CDH18: variants seen among roughly 807,000 people sequenced by gnomAD.
CDH18 encodes cadherin 18, also known as cadherin-18.
A neutral mutation model predicts 67.9 loss-of-function variants in CDH18; 31 were observed. That is an observed-to-expected ratio of 0.46 (90% CI 0.34 to 0.62). The LOEUF (loss-of-function observed/expected upper bound fraction) is 0.62, where lower values mean the gene tolerates loss of function less well. Ranked by LOEUF, CDH18 falls within the 20% of genes least tolerant of loss-of-function variation. The pLI, the probability that CDH18 is intolerant of heterozygous loss-of-function variation, is 0.01. For missense variants in CDH18, 890 were observed against 975.5 expected (o/e 0.91, Z 1.17); for synonymous variants, 362 against 347.2 (o/e 1.04, Z -0.48).
intron 1 of CDH18, among the ~76,000 whole-genome samples, chr5:20,418,756 A>G (rs1480704704): frequency 6.6e-6 from 1 of 152,102 alleles, no homozygotes; most frequent in Non-Finnish European, 1.5e-5. Flanking sequence ...ATGAATATAG[A>G]TGTGTGTATA....
At chr5:19,994,939 A>T (rs1372849671) in intron 2 of CDH18, among the ~76,000 whole-genome samples, 2 of 149,294 alleles carry the variant, frequency 1.3e-5, no homozygotes. Flanking sequence ...AGGTCCCATG[A>T]TCTGCGCCTG....
At chr5:20,121,858 A>C (rs751456552) in intron 2 of CDH18, among the ~76,000 whole-genome samples, 22 of 152,278 alleles carry the variant, frequency 1.4e-4, no homozygotes, top group Admixed American at 6.5e-4. Flanking sequence ...AGTAGCTCAA[A>C]AATTCAAAAC....
At chr5:19,817,142 A>G (rs998817588) in intron 3 of CDH18, among the ~76,000 whole-genome samples, 1 of 151,926 alleles carries the variant, frequency 6.6e-6, no homozygotes, top group East Asian at 1.9e-4. Context: ...CTCATAATAC[A>G]AGAAATATAA....
At chr5:19,782,704 T>A (rs1367071094) in intron 3 of CDH18, among the ~76,000 whole-genome samples, 3 of 152,154 alleles carry the variant, frequency 2.0e-5, no homozygotes, top group African/African-American at 7.2e-5. Context: ...TAGACTCTGA[T>A]TTGTCTCCTG....
rs187232129 is a variant in CDH18 at position 20,005,522 on chromosome 5, G to A, written c.-517-13508C>T. On this transcript the variant is annotated intron_variant, in intron 2 of 14. Transcript: ENST00000507958. Reference sequence around the variant, plus strand: ...AATGACCATTAGACATTAAACTTAGGAGACTGTTCTTTGTCAACAATTTCT... The same window carrying A: ...AATGACCATTAGACATTAAACTTAGAAGACTGTTCTTTGTCAACAATTTCT... Among the ~76,000 whole-genome samples the A allele has an allele frequency of 4.2e-3, 630 of 151,574 alleles. 4 individuals are homozygous for A. The highest frequency in any genetic ancestry group is 6.6e-3 in the Non-Finnish European group (446 of 67,808).
intron 5 of CDH18, among the ~76,000 whole-genome samples, chr5:19,696,679 C>G (rs554913520): frequency 9.9e-5 from 15 of 152,188 alleles, no homozygotes; most frequent in Middle Eastern, 6.8e-3. Context: ...CAAGCGTGAG[C>G]CACCGCACCC....
chr5:19,947,984 C>A (rs983716237), intron 2 of CDH18, among the ~76,000 whole-genome samples: 9 of 152,052 alleles, frequency 5.9e-5, no homozygotes, highest in Admixed American at 2.6e-4. Context: ...AATAAACAGA[C>A]CTTTCACTGA....
chr5:20,315,618 A>G lies in CDH18; in HGVS notation c.-579-60113T>C, dbSNP rs1310378972. ...CCAACTCACTATACTGCACTTGGCA[A>G]CTTGCTTCTCCAAAATATGCTTAAG... is the stretch of plus-strand genomic sequence containing the variant. On this transcript the variant is annotated intron_variant, in intron 1 of 14. Coordinates refer to the CDH18 transcript ENST00000507958. 4.6e-5 allele frequency among the ~76,000 whole-genome samples: 7 copies of G among 152,216 alleles called. No homozygotes were observed. In the South Asian group the frequency reaches 1.2e-3, roughly 27 times the overall value.
chr5:20,024,557 A>G, intron 2 of CDH18, among the ~76,000 whole-genome samples: 1 of 152,200 alleles, frequency 6.6e-6, no homozygotes, highest in East Asian at 1.9e-4. Flanking sequence ...ACCAGAATTT[A>G]CAGATTTGTG....
rs1554098796 is a variant in CDH18 at position 20,172,230 on chromosome 5, A to ATATACATG, written c.-518+83213_-518+83214insCATGTATA. Among the ~76,000 whole-genome samples, 10 of 96,688 alleles carry ATATACATG rather than the reference A, an allele frequency of 1.0e-4. 1 individual carries two copies. The highest frequency in any genetic ancestry group is 3.9e-4 in the African/African-American group (10 of 25,726). The allele number at this position is 96,688 out of a possible 152,430, so 63.4% of individuals were successfully genotyped here. ...TATATATATATATATATATGTATAT[A>ATATACATG]TATATATATGTATATATATATATAT... On this transcript the variant is annotated intron_variant, in intron 2 of 14. Coordinates refer to the CDH18 transcript ENST00000507958.
chr5:19,977,178 G>C lies in CDH18; in HGVS notation c.-257+3882C>G, dbSNP rs141462086. Among the ~76,000 whole-genome samples, 48 of 152,240 alleles carry C rather than the reference G, an allele frequency of 3.2e-4. 1 individual carries two copies. The highest frequency in any genetic ancestry group is 3.2e-4 in the Non-Finnish European group (22 of 68,002). On this transcript the variant is annotated intron_variant, in intron 2 of 12. Transcript: ENST00000382275. Reference sequence around the variant, plus strand: ...ATAATTCAGGAAAGTAAACATGTAAGAGAAAAATAAAATGGCACTTCCTTG... The same window carrying C: ...ATAATTCAGGAAAGTAAACATGTAACAGAAAAATAAAATGGCACTTCCTTG...
chr5:20,524,683 T>TA (rs747092577), intron 1 of CDH18, among the ~76,000 whole-genome samples: 7 of 152,174 alleles, frequency 4.6e-5, no homozygotes, highest in Admixed American at 1.3e-4. Context: ...AATACAGATT[T>TA]AAAATCACTT....
intron 1 of CDH18, among the ~76,000 whole-genome samples, chr5:20,512,040 G>A (rs1205603404): frequency 6.6e-6 from 1 of 152,048 alleles, no homozygotes. Context: ...GGCCAACATA[G>A]TGAAACCCCA....
chr5:20,383,483 T>C (rs929965165), intron 1 of CDH18, among the ~76,000 whole-genome samples: 1 of 152,198 alleles, frequency 6.6e-6, no homozygotes, highest in African/African-American at 2.4e-5. Flanking sequence ...CTTTGGACTA[T>C]TGAAATGCGG....
At chr5:19,715,679 T>C (rs1014149875) in intron 5 of CDH18, among the ~76,000 whole-genome samples, 2 of 152,178 alleles carry the variant, frequency 1.3e-5, no homozygotes, top group African/African-American at 4.8e-5. Context: ...CTTATCTTTT[T>C]AAAATAAATT....
rs1190571519 is a variant in CDH18 at position 19,755,439 on chromosome 5, A to ATATATATATT, written c.229-8204_229-8203insAATATATATA. Among the ~76,000 whole-genome samples the ATATATATATT allele has an allele frequency of 8.5e-4, 9 of 10,542 alleles. 2 individuals are homozygous for ATATATATATT. The highest frequency in any genetic ancestry group is 1.5e-3 in the Non-Finnish European group (1 of 688). 6.9% of individuals were successfully genotyped at this position (10,542 alleles called of 152,430 possible). On this transcript the variant is annotated intron_variant, in intron 3 of 12. Coordinates refer to ENST00000382275, the MANE Select transcript of CDH18 (RefSeq NM_004934.5). ...CAGAACTAACAGGGTATGTATATAT[A>ATATATATATT]TATATATATATATATATATACACAC...
At chr5:20,292,695 G>A (rs1044848068) in intron 1 of CDH18, among the ~76,000 whole-genome samples, 5 of 151,956 alleles carry the variant, frequency 3.3e-5, no homozygotes, top group Non-Finnish European at 7.4e-5. Flanking sequence ...TCTAGCTCCT[G>A]GTTTTGCTAT....
chr5:20,298,789 T>C (rs190337777), intron 1 of CDH18, among the ~76,000 whole-genome samples: 276 of 152,144 alleles, frequency 1.8e-3, no homozygotes, highest in Non-Finnish European at 3.3e-3. Flanking sequence ...GTAAGATACA[T>C]TGATACATAC....
chr5:20,365,203 G>T (rs1742406429), intron 1 of CDH18, among the ~76,000 whole-genome samples: 1 of 152,146 alleles, frequency 6.6e-6, no homozygotes, highest in African/African-American at 2.4e-5. Flanking sequence ...ATGGCTGCCT[G>T]GCTGTGTGCT....
Sources: allele counts gnomAD v4.1 joint callset (sites outside exome capture counted in the v4.1 genomes callset), GRCh38; gene constraint gnomAD v4.1.1; transcripts MANE v1.5; gene names NCBI Gene and HGNC (gene_info 2026-07-23, HGNC 2026-07-21).